The following CYB561D2 variants were observed in gnomAD, a reference collection of about 807,000 sequenced individuals.
CYB561D2 encodes transmembrane reductase CYB561D2.
Under a neutral mutation model 20.2 loss-of-function variants are expected in CYB561D2, and 16 were observed. That is an observed-to-expected ratio of 0.79 (90% CI 0.53 to 1.20). The LOEUF is 1.20. CYB561D2 is among the 50% of genes most tolerant of loss of function. The probability of loss-of-function intolerance (pLI) is 0.00; values close to 1 mark genes in which losing one functional copy is unlikely to be tolerated. For synonymous variants in CYB561D2, 135 were observed against 128.3 expected (o/e 1.05, Z -0.35); for missense variants, 247 against 270.3 (o/e 0.91, Z 0.60).
chr3:50,353,457 G>A lies in CYB561D2; in HGVS notation c.382G>A (p.Val128Met). The A allele has an allele frequency of 6.2e-7, 1 of 1,613,208 alleles. No individual in the cohort carries two copies. The part of the protein sequence containing the change: ...TRHGQAGLLA[V>M]LWAGLQCSGG... The stretch of plus-strand genomic sequence containing the variant: ...GCATGGGCAGGCAGGGCTGCTGGCT[G>A]TGCTGTGGGCAGGGCTGCAGTGCTC... The change falls in exon 4 of 4, where the codon GTG becomes ATG. Residue 128 changes from valine to methionine, a missense_variant. Physicochemically the swap from Val to Met is conservative, Grantham distance 21. Transcript: ENST00000425346.
intron 2 of CYB561D2, 68 bp from the exon 3 acceptor site, chr3:50,351,941 C>T (rs1703774735): frequency 1.2e-5 from 19 of 1,588,110 alleles, no homozygotes; most frequent in Non-Finnish European, 1.6e-5. Flanking sequence ...TATTCCTCAA[C>T]CCTTAAGGAT....
chr3:50,352,175 C>A, intron 3 of CYB561D2, 129 bp downstream of exon 3: 1 of 1,124,814 alleles, frequency 8.9e-7, no homozygotes, highest in Non-Finnish European at 1.3e-6. Flanking sequence ...CTACTCCTGC[C>A]CATGGTATAT....
chr3:50,350,955 C>T lies in CYB561D2; in HGVS notation c.-55C>T. 7.6e-7 allele frequency: 1 copy of T among 1,309,248 alleles called. No individual in the cohort carries two copies. Among genetic ancestry groups the T allele is most frequent in the Non-Finnish European group, 9.8e-7 (1 of 1,015,698 alleles). The allele number at this position is 1,309,248 out of a possible 1,614,324, so 81.1% of individuals were successfully genotyped here. The stretch of plus-strand genomic sequence containing the variant: ...TCCCGCTTTCTTTGGAGGAAACCAC[C>T]GCATCAGATCTGCGCTGCGGCAGAG... On this transcript the variant is annotated 5_prime_UTR_variant, in exon 1 of 4. Transcript: ENST00000425346. This position sits in a 1 kb window ranked among gnomAD's most constrained non-coding sequence, Gnocchi z 5.7.
rs143506264 is a variant in CYB561D2 at position 50,353,495 on chromosome 3, G to T, written c.420G>T (p.Gly140=). The T allele has an allele frequency of 1.9e-6, 3 of 1,613,302 alleles. No homozygotes were observed. In the East Asian group the frequency reaches 6.7e-5, roughly 36 times the overall value. ...WAGLQCSGGV[G]LLYPKLLPRW... ...GGCTGCAGTGCTCAGGTGGGGTGGG[G>T]CTGCTCTACCCCAAGCTGCTGCCCC... The change falls in exon 4 of 4, where the codon GGG becomes GGT. Residue 140 remains glycine (G), a synonymous_variant. Coordinates refer to ENST00000425346, the MANE Select transcript of CYB561D2 (RefSeq NM_001291284.2).
At chr3:50,352,861 C>T (rs996526193) in intron 3 of CYB561D2, among the ~76,000 whole-genome samples, 1 of 152,148 alleles carries the variant, frequency 6.6e-6, no homozygotes, top group Non-Finnish European at 1.5e-5. Flanking sequence ...TCTGGTGATG[C>T]ACCTAACTTT....
intron 2 of CYB561D2, among the ~76,000 whole-genome samples, chr3:50,351,789 G>T (rs1234164236): frequency 6.6e-6 from 1 of 152,234 alleles, no homozygotes; most frequent in African/African-American, 2.4e-5. Flanking sequence ...AGGGAAGGAG[G>T]GAGGACTGCC....
In CYB561D2 at chr3:50,353,373, G is replaced by A. The variant is rs200355935; in HGVS notation, c.298G>A (p.Gly100Ser). The A allele has an allele frequency of 4.0e-4, 638 of 1,613,466 alleles. 8 individuals carry two copies. The highest frequency in any genetic ancestry group is 3.7e-3 in the South Asian group (337 of 91,082). ...GCTGGCCCTGCTGTGTGCACTGCTG[G>A]GCCTCGGCCTTGTCATCCTCCACAA... ...QLLALLCALL[G>S]LGLVILHKEQ... Residue 100 changes from glycine to serine, a missense_variant, in exon 4 of 4, where the codon GGC becomes AGC. By Grantham distance (56) the Gly-to-Ser change is moderately conservative. Coordinates refer to ENST00000425346, the MANE Select transcript of CYB561D2 (RefSeq NM_001291284.2).
At position 50,353,488 on chromosome 3, in the gene CYB561D2, G is replaced by C. The variant is rs1194309780; in HGVS notation, c.413G>C (p.Gly138Ala). 1 of 1,613,324 alleles carries C rather than the reference G, an allele frequency of 6.2e-7. No individual in the cohort carries two copies. The highest frequency in any genetic ancestry group is 8.5e-7 in the Non-Finnish European group (1 of 1,180,030). ...VLWAGLQCSG[G>A]VGLLYPKLLP... The stretch of plus-strand genomic sequence containing the variant: ...TGGGCAGGGCTGCAGTGCTCAGGTG[G>C]GGTGGGGCTGCTCTACCCCAAGCTG... The change falls in exon 4 of 4, where the codon GGG becomes GCG. Residue 138 changes from glycine to alanine, a missense_variant. Physicochemically the swap from Gly to Ala is moderately conservative, Grantham distance 60. Coordinates refer to ENST00000425346, the MANE Select transcript of CYB561D2 (RefSeq NM_001291284.2).
rs748339296 is a variant in CYB561D2, at chr3:50,353,431, G to T, written c.356G>T (p.Arg119Leu). The T allele has an allele frequency of 6.2e-7, 1 of 1,612,962 alleles. No individual in the cohort carries two copies. ...CTTGGCAAAGCCCACCTGGTTACGCGGCATGGGCAGGCAGGGCTGCTGGCT... is the reference window on the plus strand; with the variant it reads ...CTTGGCAAAGCCCACCTGGTTACGCTGCATGGGCAGGCAGGGCTGCTGGCT... ...EQLGKAHLVT[R>L]HGQAGLLAVL... Residue 119 changes from arginine to leucine, a missense_variant, in exon 4 of 4, where the codon CGG becomes CTG. By Grantham distance (102) the Arg-to-Leu change is moderately radical. Transcript: ENST00000425346.
Position 50,353,909 on chromosome 3 carries a change from TC to T in CYB561D2, c.*168del. On this transcript the variant is annotated 3_prime_UTR_variant, in exon 4 of 4. Coordinates refer to ENST00000425346, the MANE Select transcript of CYB561D2 (RefSeq NM_001291284.2). ...TTCCTGCTCCTCATGCTGGAGTGCC[TC>T]CCATTTCCTTCCCCTTTCTCTGTCA... 1 of 730,740 alleles carries T rather than the reference TC, an allele frequency of 1.4e-6. No homozygotes were observed. Among genetic ancestry groups the T allele is most frequent in the Non-Finnish European group, 2.2e-6 (1 of 458,900 alleles). The allele number at this position is 730,740 out of a possible 1,614,324, so 45.3% of individuals were successfully genotyped here.
chr3:50,351,363 G>C, intron 1 of CYB561D2, 46 bp from the exon 2 acceptor site: 3 of 1,576,404 alleles, frequency 1.9e-6, no homozygotes, highest in Non-Finnish European at 2.6e-6. Context: ...AGTGAGGAGT[G>C]AACAGTGGGC....
At chr3:50,351,869 T>C in intron 2 of CYB561D2, 140 bp from the exon 3 acceptor site, 1 of 1,032,240 alleles carries the variant, frequency 9.7e-7, no homozygotes. Flanking sequence ...TGGGGTCAGC[T>C]TGTTGCAGAG....
chr3:50,353,840 C>G lies in CYB561D2; in HGVS notation c.*96C>G. On this transcript the variant is annotated 3_prime_UTR_variant, in exon 4 of 4. Coordinates refer to ENST00000425346, the MANE Select transcript of CYB561D2 (RefSeq NM_001291284.2). ...CTCTCTCAGCTGAGTCAGGGGACAC[C>G]TCAGGCACTGGGACAGTTGGGCATT... 7.0e-7 allele frequency: 1 copy of G among 1,424,352 alleles called. No individual in the cohort carries two copies. Among genetic ancestry groups the G allele is most frequent in the Non-Finnish European group, 9.4e-7 (1 of 1,063,384 alleles). The allele number at this position is 1,424,352 out of a possible 1,614,324, so 88.2% of individuals were successfully genotyped here.
In CYB561D2 at chr3:50,352,018, C is replaced by T; in HGVS notation, c.137C>T (p.Ser46Phe). 6.2e-7 allele frequency: 1 copy of T among 1,614,006 alleles called. No individual in the cohort carries two copies. Among genetic ancestry groups the T allele is most frequent in the Non-Finnish European group, 8.5e-7 (1 of 1,179,980 alleles). ...CCTCTTCTCATTCCAGGCCTGTTCT[C>T]CTGGCACCCGGTGCTTATGTCTTTG... ...VLARPGSSLF[S>F]WHPVLMSLAF... Residue 46 changes from serine (S) to phenylalanine (F), a missense_variant, in exon 3 of 4, where the codon TCC becomes TTC. By Grantham distance (155) the Ser-to-Phe change is radical (BLOSUM62 -2). Transcript: ENST00000425346.
intron 1 of CYB561D2, 35 bp from the exon 2 acceptor site, chr3:50,351,374 A>AC (rs1703754051): frequency 4.4e-6 from 7 of 1,585,964 alleles, no homozygotes; most frequent in Non-Finnish European, 6.0e-6. Context: ...AACAGTGGGC[A>AC]CCTGAGATCC....
Position 50,353,659 on chromosome 3 carries a change from C to G in CYB561D2, c.584C>G (p.Ala195Gly). ...GTCACTGGTGCAGCCTGGTACCTGGCTGTATTATGCCCTGTCCTCACCAGC... is the reference window on the plus strand; with the variant it reads ...GTCACTGGTGCAGCCTGGTACCTGGGTGTATTATGCCCTGTCCTCACCAGC... ...ASVTGAAWYL[A>G]VLCPVLTSLV... Residue 195 changes from alanine to glycine, a missense_variant, in exon 4 of 4, where the codon GCT (alanine) becomes GGT (glycine). Physicochemically the swap from Ala to Gly is moderately conservative, Grantham distance 60 (BLOSUM62 0). Coordinates refer to ENST00000425346, the MANE Select transcript of CYB561D2 (RefSeq NM_001291284.2). The G allele has an allele frequency of 1.2e-6, 2 of 1,613,564 alleles. No individual in the cohort carries two copies. Among genetic ancestry groups the G allele is most frequent in the Non-Finnish European group, 1.7e-6 (2 of 1,180,036 alleles).
chr3:50,352,350 C>T (rs1005923237), intron 3 of CYB561D2, among the ~76,000 whole-genome samples: 3 of 151,674 alleles, frequency 2.0e-5, no homozygotes, highest in African/African-American at 4.8e-5. Flanking sequence ...CATGGTGGCA[C>T]GCGCCTGTAG....
Position 50,352,122 on chromosome 3 carries a change from T to C in CYB561D2, c.165+76T>C. 5 of 1,513,636 alleles carry C rather than the reference T, an allele frequency of 3.3e-6. No homozygotes were observed. In the South Asian group the frequency reaches 5.6e-5, roughly 17 times the overall value. 93.8% of individuals were successfully genotyped at this position (1,513,636 alleles called of 1,614,324 possible). On this transcript the variant is annotated intron_variant, in intron 3 of 3. Transcript: ENST00000425346. ...GGTGGCCCTGGCAGCCTCTGAATCT[T>C]TGTCCACATTTAATATCTGTTTGGA...
chr3:50,353,169 G>A (rs1703810770), intron 3 of CYB561D2, 72 bp from the exon 4 acceptor site: 1 of 1,503,934 alleles, frequency 6.6e-7, no homozygotes, highest in African/African-American at 1.4e-5. Context: ...GCAGCTAAGG[G>A]TTACATAAAG....
Sources: gnomAD v4.1 joint callset for allele counts (sites outside exome capture counted in the v4.1 genomes callset) on GRCh38, gnomAD v4.1.1 for gene constraint, Gnocchi (gnomAD v3.1) non-coding constraint, MANE v1.5 for transcripts, NCBI Gene and HGNC (gene_info 2026-07-23, HGNC 2026-07-21) for gene names.